PLCZ1: variants seen among roughly 807,000 people sequenced by gnomAD.
PLCZ1 encodes the protein 1-phosphatidylinositol 4,5-bisphosphate phosphodiesterase zeta-1.
PLCZ1 carries 64 observed loss-of-function variants against 76.8 expected under a neutral mutation model. The observed-to-expected ratio is 0.83, with a 90% confidence interval of 0.68 to 1.03. The LOEUF (loss-of-function observed/expected upper bound fraction) is 1.03, where lower values mean the gene tolerates loss of function less well. PLCZ1 is among the 50% of genes least tolerant of loss of function. The pLI is 0.00. For missense variants in PLCZ1, 751 were observed against 713.7 expected (o/e 1.05, Z -0.60); for synonymous variants, 248 against 230.8 (o/e 1.07, Z -0.68).
chr12:18,673,314 A>T, the PLCZ1 span, among the ~76,000 whole-genome samples: 2 of 152,166 alleles, frequency 1.3e-5, no homozygotes, highest in African/African-American at 2.4e-5. Flanking sequence ...AATAGTATAT[A>T]AGTTATTGAA....
At chr12:18,713,997 T>A (rs1957648244) in intron 5 of PLCZ1, among the ~76,000 whole-genome samples, 2 of 152,198 alleles carry the variant, frequency 1.3e-5, no homozygotes, top group South Asian at 4.1e-4. Context: ...CAGTGGAAGC[T>A]GATTGCATTC....
the PLCZ1 span, among the ~76,000 whole-genome samples, chr12:18,657,527 T>C: frequency 6.6e-6 from 1 of 152,174 alleles, no homozygotes; most frequent in African/African-American, 2.4e-5. Context: ...TTCTAATTTT[T>C]TGTTGTTGTT....
At chr12:18,714,446 C>T (rs1957707103) in intron 5 of PLCZ1, among the ~76,000 whole-genome samples, 1 of 151,962 alleles carries the variant, frequency 6.6e-6, no homozygotes, top group Non-Finnish European at 1.5e-5. Context: ...TATTAGAAAA[C>T]ATGGGAACTG....
chr12:18,656,786 A>G, the PLCZ1 span, among the ~76,000 whole-genome samples: 2 of 152,174 alleles, frequency 1.3e-5, no homozygotes, highest in Non-Finnish European at 2.9e-5. Flanking sequence ...TTATACAGGC[A>G]GAAACGGTCA....
the PLCZ1 span, chr12:18,647,862 T>G: frequency 1.4e-6 from 2 of 1,442,764 alleles, no homozygotes; most frequent in Non-Finnish European, 1.9e-6. Context: ...TTTCATTATT[T>G]TCTCCGTTTT....
chr12:18,724,725 T>A (rs1038991129), intron 3 of PLCZ1, among the ~76,000 whole-genome samples: 1 of 152,176 alleles, frequency 6.6e-6, no homozygotes, highest in Non-Finnish European at 1.5e-5. Flanking sequence ...TGGAAGCGGA[T>A]GTTATAGAAT....
the PLCZ1 span, among the ~76,000 whole-genome samples, chr12:18,646,601 G>C: frequency 6.6e-6 from 1 of 152,128 alleles, no homozygotes; most frequent in South Asian, 2.1e-4. Context: ...AGTGAACTCA[G>C]AGGGCTGCCC....
chr12:18,695,047 TG>T lies in PLCZ1; in HGVS notation c.1323del (p.Met442TrpfsTer18). 6.2e-7 allele frequency: 1 copy of T among 1,613,148 alleles called. No individual in the cohort carries two copies. On this transcript the variant is annotated frameshift_variant, in exon 12 of 15. Transcript: ENST00000266505. LOFTEE classifies it high-confidence loss of function. The stretch of plus-strand genomic sequence containing the variant: ...AAAAATTTCCCATTTTGCAGATCCA[TG>T]GGCAGACCAGGGGTCTGGAAATTTA... ...VALNFQTPGL[P>X]MDLQNGKFLD...
chr12:18,705,945 G>A (rs934905178), intron 6 of PLCZ1, among the ~76,000 whole-genome samples: 1 of 151,340 alleles, frequency 6.6e-6, no homozygotes, highest in African/African-American at 2.4e-5. Context: ...GAAGAAGGCA[G>A]GACGAGCATG....
the PLCZ1 span, among the ~76,000 whole-genome samples, chr12:18,662,502 A>T: frequency 6.6e-6 from 1 of 151,754 alleles, no homozygotes; most frequent in Non-Finnish European, 1.5e-5. Context: ...TACACAGTTT[A>T]AAAAAAAGGC....
At chr12:18,718,189 T>C (rs920969677) in intron 5 of PLCZ1, among the ~76,000 whole-genome samples, 1 of 152,154 alleles carries the variant, frequency 6.6e-6, no homozygotes, top group Admixed American at 6.5e-5. Context: ...TTTCAAGTAT[T>C]GGGATGTAAC....
chr12:18,732,563 G>A (rs548974347), intron 3 of PLCZ1, among the ~76,000 whole-genome samples: 2 of 152,246 alleles, frequency 1.3e-5, no homozygotes, highest in South Asian at 2.1e-4. Flanking sequence ...CTGTTCAGTA[G>A]CTCGCTGGGA....
At chr12:18,684,758 G>C (rs144944931) in intron 13 of PLCZ1, among the ~76,000 whole-genome samples, 2 of 152,090 alleles carry the variant, frequency 1.3e-5, no homozygotes, top group East Asian at 3.9e-4. Context: ...CCTTGATATG[G>C]TTAAGCTTTG....
At chr12:18,702,254 A>C (rs1956046157) in intron 7 of PLCZ1, among the ~76,000 whole-genome samples, 2 of 151,978 alleles carry the variant, frequency 1.3e-5, no homozygotes, top group Non-Finnish European at 2.9e-5. Flanking sequence ...ATTCGTAATA[A>C]AGGCTCTTCA....
At chr12:18,735,991 G>C (rs1188588602) in intron 3 of PLCZ1, 4 of 406,492 alleles carry the variant, frequency 9.8e-6, no homozygotes, top group Non-Finnish European at 1.3e-5. Context: ...TTTAATGTTA[G>C]CATTTCTGTA....
intron 6 of PLCZ1, among the ~76,000 whole-genome samples, chr12:18,708,065 T>C (rs35290855): frequency 0.17 from 25,757 of 152,144 alleles, 2,719 homozygotes; most frequent in African/African-American, 0.3. Context: ...ATATACAGTA[T>C]AACTTTATTA....
chr12:18,674,445 T>C, the PLCZ1 span, among the ~76,000 whole-genome samples: 7 of 152,200 alleles, frequency 4.6e-5, no homozygotes, highest in Admixed American at 4.6e-4. Context: ...TCAGCTACTA[T>C]GCCTGGCACG....
chr12:18,725,082 T>C (rs4764420), intron 3 of PLCZ1, among the ~76,000 whole-genome samples: 72,536 of 151,998 alleles, frequency 0.48, 20,610 homozygotes, highest in East Asian at 0.67. Flanking sequence ...AGAATCACTA[T>C]AGTTGATCAA....
chr12:18,700,854 T>C (rs1176732741), intron 9 of PLCZ1, among the ~76,000 whole-genome samples: 3 of 152,210 alleles, frequency 2.0e-5, no homozygotes, highest in African/African-American at 7.2e-5. Flanking sequence ...TAACATTATG[T>C]ATTATTAATA....
Sources: gnomAD v4.1 joint callset for allele counts (sites outside exome capture counted in the v4.1 genomes callset) on GRCh38, gnomAD v4.1.1 for gene constraint, MANE v1.5 for transcripts, NCBI Gene and HGNC (gene_info 2026-07-23, HGNC 2026-07-21) for gene names.